CNTNAP2: variants seen among roughly 807,000 people sequenced by gnomAD.
CNTNAP2 encodes contactin-associated protein-like 2.
In CNTNAP2, 98 loss-of-function variants were observed where a neutral mutation model predicts 155.2. That is an observed-to-expected ratio of 0.63 (90% confidence interval 0.54 to 0.75). CNTNAP2 has a LOEUF of 0.75. Among genes scored for constraint, CNTNAP2 ranks in the 30% least tolerant of loss-of-function variants. The pLI, the probability that CNTNAP2 is intolerant of heterozygous loss-of-function variation, is 0.00. For missense variants in CNTNAP2, 1,727 were observed against 1,688.1 expected, an observed-to-expected ratio of 1.02 and a Z score of -0.40; for synonymous variants, 651 against 631.2, an observed-to-expected ratio of 1.03 and a Z score of -0.47.
At chr7:147,977,665 T>C (rs1801453616) in intron 14 of CNTNAP2, among the ~76,000 whole-genome samples, 197 bp from the exon 15 acceptor site, 1 of 152,172 alleles carries the variant, frequency 6.6e-6, no homozygotes, top group African/African-American at 2.4e-5. Flanking sequence ...AAGATGAAGA[T>C]GCCAGAAGGG....
chr7:146,155,127 T>C (rs561631664), intron 1 of CNTNAP2, among the ~76,000 whole-genome samples: 2 of 152,306 alleles, frequency 1.3e-5, no homozygotes, highest in East Asian at 3.9e-4. Context: ...CCTGAATAAT[T>C]TGTGAAAAGA....
At chr7:147,550,242 G>A (rs773414711) in intron 11 of CNTNAP2, among the ~76,000 whole-genome samples, 2 of 152,116 alleles carry the variant, frequency 1.3e-5, no homozygotes, top group Admixed American at 6.6e-5. Flanking sequence ...GTTTGACTGT[G>A]TCCCCACCCA....
chr7:147,280,729 A>C, intron 8 of CNTNAP2, among the ~76,000 whole-genome samples: 1 of 151,982 alleles, frequency 6.6e-6, no homozygotes, highest in East Asian at 1.9e-4. Context: ...GCTTTAACAT[A>C]GAAATTGTTC....
chr7:147,476,518 T>G (rs1411441763), intron 10 of CNTNAP2, among the ~76,000 whole-genome samples: 1 of 152,206 alleles, frequency 6.6e-6, no homozygotes, highest in Non-Finnish European at 1.5e-5. Context: ...TCTTTCTCGC[T>G]TCCTCTCTCT....
intron 8 of CNTNAP2, among the ~76,000 whole-genome samples, chr7:147,198,786 C>T (rs1802861205): frequency 6.6e-6 from 1 of 151,978 alleles, no homozygotes; most frequent in South Asian, 2.1e-4. Context: ...GGAAAGACTA[C>T]TATAAATTCA....
chr7:146,839,606 A>T, intron 2 of CNTNAP2, 105 bp from the exon 3 acceptor site: 2 of 1,153,302 alleles, frequency 1.7e-6, no homozygotes, highest in Non-Finnish European at 2.6e-6. Context: ...TCTGTGAAAT[A>T]GAGCACTGCC....
chr7:147,902,741 T>G (rs984062816), intron 13 of CNTNAP2, among the ~76,000 whole-genome samples: 5 of 151,950 alleles, frequency 3.3e-5, no homozygotes, highest in Non-Finnish European at 7.4e-5. Flanking sequence ...ATTAATTCAT[T>G]TCTTTTTATG....
At chr7:147,673,311 C>A (rs1440541717) in intron 13 of CNTNAP2, among the ~76,000 whole-genome samples, 2 of 152,132 alleles carry the variant, frequency 1.3e-5, no homozygotes, top group African/African-American at 4.8e-5. Flanking sequence ...AGGTAATTAC[C>A]ATGTAACTGA....
At position 148,051,974 on chromosome 7, in the gene CNTNAP2, C is replaced by T. The variant is rs2707566; in HGVS notation, c.2384-66144C>T. 9.4e-3 allele frequency among the ~76,000 whole-genome samples: 1,437 copies of T among 152,116 alleles called. 24 individuals carry two copies. The highest frequency in any genetic ancestry group is 0.033 in the African/African-American group (1,377 of 41,522). ...CTAACACGGTGAAACCCTGTCTCTA[C>T]TAAAAATACAAAAAATTAGCCGGGC... On this transcript the variant is annotated intron_variant, in intron 15 of 23. Coordinates refer to ENST00000361727, the MANE Select transcript of CNTNAP2 (RefSeq NM_014141.6).
chr7:147,142,906 AT>A (rs1466813020), intron 8 of CNTNAP2, among the ~76,000 whole-genome samples: 1 of 152,010 alleles, frequency 6.6e-6, no homozygotes, highest in Non-Finnish European at 1.5e-5. Flanking sequence ...TCTATATTCC[AT>A]CCTAGCAAAC....
intron 1 of CNTNAP2, among the ~76,000 whole-genome samples, chr7:146,643,865 G>C (rs541662661): frequency 7.9e-5 from 12 of 151,510 alleles, no homozygotes; most frequent in African/African-American, 2.4e-4. Flanking sequence ...TCTCCTTGAA[G>C]AGGTCCTTCA....
chr7:147,602,693 T>G (rs536125108), intron 12 of CNTNAP2, among the ~76,000 whole-genome samples: 1 of 148,658 alleles, frequency 6.7e-6, no homozygotes, highest in East Asian at 2.1e-4. Flanking sequence ...CCTGTGTCCA[T>G]GTATTCTCAT....
chr7:146,134,133 C>A (rs1208251236), intron 1 of CNTNAP2, among the ~76,000 whole-genome samples: 1 of 151,432 alleles, frequency 6.6e-6, no homozygotes, highest in Non-Finnish European at 1.5e-5. Context: ...CCTTCACATC[C>A]CTTGTAAGTT....
chr7:146,400,078 G>A (rs1795692085), intron 1 of CNTNAP2, among the ~76,000 whole-genome samples: 1 of 151,936 alleles, frequency 6.6e-6, no homozygotes, highest in Admixed American at 6.6e-5. Flanking sequence ...CCTTCCCTGG[G>A]CTAGGTATGG....
intron 1 of CNTNAP2, among the ~76,000 whole-genome samples, chr7:146,210,141 T>C (rs1294278125): frequency 1.3e-5 from 2 of 152,162 alleles, no homozygotes; most frequent in Non-Finnish European, 2.9e-5. Flanking sequence ...TGCTAGATTA[T>C]GATGAATATA....
intron 1 of CNTNAP2, among the ~76,000 whole-genome samples, chr7:146,636,024 A>G (rs1241849898): frequency 6.6e-6 from 1 of 152,034 alleles, no homozygotes; most frequent in African/African-American, 2.4e-5. Context: ...ACATTATGAG[A>G]CTGTTTTCAC....
chr7:146,816,090 C>G (rs1005361124), intron 2 of CNTNAP2, among the ~76,000 whole-genome samples: 1 of 152,196 alleles, frequency 6.6e-6, no homozygotes, highest in African/African-American at 2.4e-5. Flanking sequence ...AGGACTTTAA[C>G]TCATCCTTTT....
At chr7:147,002,255 A>T (rs995736930) in intron 3 of CNTNAP2, among the ~76,000 whole-genome samples, 3 of 152,088 alleles carry the variant, frequency 2.0e-5, no homozygotes, top group African/African-American at 7.2e-5. Context: ...AGAGACATGT[A>T]ATTATGAAAC....
At chr7:146,851,417 T>C (rs1364362807) in intron 3 of CNTNAP2, among the ~76,000 whole-genome samples, 1 of 152,142 alleles carries the variant, frequency 6.6e-6, no homozygotes, top group Non-Finnish European at 1.5e-5. Context: ...GAAAGTACTA[T>C]TTACCTACTG....
Sources: gnomAD v4.1 joint callset for allele counts (sites outside exome capture counted in the v4.1 genomes callset) on GRCh38, gnomAD v4.1.1 for gene constraint, MANE v1.5 for transcripts, NCBI Gene and HGNC (gene_info 2026-07-23, HGNC 2026-07-21) for gene names.